Variants in CIP2A observed in about 807,000 individuals in gnomAD.
CIP2A encodes protein CIP2A.
A neutral mutation model predicts 110.9 loss-of-function variants in CIP2A; 103 were observed. The observed-to-expected ratio is 0.93, with a 90% confidence interval of 0.79 to 1.09. CIP2A has a LOEUF of 1.09. Ranked by LOEUF, CIP2A falls within the 50% of genes least tolerant of loss-of-function variation. The pLI is 0.00. For missense variants in CIP2A, 1,088 were observed against 1,038.4 expected (o/e 1.05, Z -0.66); for synonymous variants, 381 against 361.6 (o/e 1.05, Z -0.61).
intron 2 of CIP2A, 140 bp downstream of exon 2, chr3:108,584,925 C>A (rs1938995628): frequency 1.6e-6 from 1 of 638,544 alleles, no homozygotes; most frequent in South Asian, 3.3e-5. Context: ...TCCTCAGTGT[C>A]AAAAGATTCA....
intron 11 of CIP2A, among the ~76,000 whole-genome samples, chr3:108,566,130 A>ATT (rs1050626792): frequency 5.3e-5 from 8 of 151,856 alleles, no homozygotes; most frequent in African/African-American, 1.7e-4. Context: ...GCAGTGACTG[A>ATT]TTTCCTTGTA....
intron 16 of CIP2A, among the ~76,000 whole-genome samples, chr3:108,558,706 C>G (rs1053586939): frequency 6.6e-6 from 1 of 152,076 alleles, no homozygotes; most frequent in South Asian, 2.1e-4. Flanking sequence ...GATATTTTAA[C>G]TGAAATCTGA....
chr3:108,575,486 G>A (rs1476003299), intron 8 of CIP2A, among the ~76,000 whole-genome samples: 1 of 142,390 alleles, frequency 7.0e-6, no homozygotes, highest in African/African-American at 2.6e-5. Flanking sequence ...ACACATATAT[G>A]CACACATATG....
At chr3:108,570,868 T>A (rs989069862) in intron 8 of CIP2A, among the ~76,000 whole-genome samples, 1 of 152,198 alleles carries the variant, frequency 6.6e-6, no homozygotes, top group Non-Finnish European at 1.5e-5. Context: ...AACCTATCCA[T>A]TTTTAAAGTT....
intron 9 of CIP2A, 22 bp downstream of exon 9, chr3:108,569,367 A>G: frequency 6.5e-7 from 1 of 1,549,562 alleles, no homozygotes; most frequent in Non-Finnish European, 8.9e-7. Flanking sequence ...TAGAAAAGTC[A>G]ATCTGTCAGT....
chr3:108,557,373 T>A lies in CIP2A; in HGVS notation c.2055A>T (p.Lys685Asn). 6.2e-7 allele frequency: 1 copy of A among 1,608,606 alleles called. No individual in the cohort carries two copies. Among genetic ancestry groups the A allele is most frequent in the Non-Finnish European group, 8.5e-7 (1 of 1,176,580 alleles). Residue 685 changes from lysine to asparagine, a missense_variant, in exon 17 of 21, where the codon AAA (lysine) becomes AAT (asparagine). Coordinates refer to ENST00000295746, the MANE Select transcript of CIP2A (RefSeq NM_020890.3). ...TCAGCAACACACTAAGCTCTTCATT[T>A]TTTCTCTCAACTTCTCTCAACATAC... Reference protein sequence around the residue: ...LASMLREVERKNEELSVLLKA... With the variant: ...LASMLREVERNNEELSVLLKA...
intron 1 of CIP2A, among the ~76,000 whole-genome samples, chr3:108,588,214 T>C (rs894746704): frequency 2.6e-5 from 4 of 152,208 alleles, no homozygotes; most frequent in African/African-American, 9.6e-5. Context: ...CCTATGCTAA[T>C]TCAGAAGCAA....
At chr3:108,574,006 AT>A (rs1179821564) in intron 8 of CIP2A, among the ~76,000 whole-genome samples, 1 of 152,156 alleles carries the variant, frequency 6.6e-6, no homozygotes, top group East Asian at 1.9e-4. Flanking sequence ...TGACTTTGTA[AT>A]AGGCCAAGAG....
chr3:108,555,556 A>T (rs779184453), intron 17 of CIP2A, among the ~76,000 whole-genome samples: 19 of 152,158 alleles, frequency 1.2e-4, no homozygotes, highest in Non-Finnish European at 2.6e-4. Flanking sequence ...TCCATTGACA[A>T]GTAGAGCTCA....
Position 108,554,507 on chromosome 3 carries a change from TGAG to T in CIP2A, c.2211-21_2211-19del. 1 of 1,044,350 alleles carries T rather than the reference TGAG, an allele frequency of 9.6e-7. No homozygotes were observed. The highest frequency in any genetic ancestry group is 1.4e-6 in the Non-Finnish European group (1 of 691,342). 64.7% of individuals were successfully genotyped at this position (1,044,350 alleles called of 1,614,324 possible). A position where few individuals can be genotyped will look rare whatever the true frequency, so the allele number is the denominator to read the frequency against. On this transcript the variant is annotated intron_variant, in intron 17 of 20. Coordinates refer to ENST00000295746, the MANE Select transcript of CIP2A (RefSeq NM_020890.3). ...TTTCATTTCTGAAAAGACAAGAAAATGAGTTGGCATCATTATGGAGGAAAACAT... is the reference window on the plus strand; with the variant it reads ...TTTCATTTCTGAAAAGACAAGAAAATTTGGCATCATTATGGAGGAAAACAT...
chr3:108,589,352 C>T lies in CIP2A; in HGVS notation c.24G>A (p.Lys8=), dbSNP rs556972558. 9.3e-6 allele frequency: 15 copies of T among 1,613,800 alleles called. No individual in the cohort carries two copies. In the East Asian group the frequency reaches 2.9e-4, roughly 31 times the overall value. The change falls in exon 1 of 21, where the codon AAG becomes AAA. Residue 8 remains lysine, a synonymous_variant. Transcript: ENST00000295746. MDSTACL[K]SLLLTVSQYK... Reference sequence around the variant, plus strand: ...ACTGACTGACAGTCAGGAGCAAGGACTTCAAGCAGGCAGTGGAGTCCATTG... The same window carrying T: ...ACTGACTGACAGTCAGGAGCAAGGATTTCAAGCAGGCAGTGGAGTCCATTG...
intron 1 of CIP2A, among the ~76,000 whole-genome samples, chr3:108,585,503 T>C (rs1457696677): frequency 6.6e-6 from 1 of 152,192 alleles, no homozygotes; most frequent in African/African-American, 2.4e-5. Flanking sequence ...TGCTATCCTA[T>C]AGTACATTAT....
chr3:108,589,326 T>C lies in CIP2A; in HGVS notation c.50A>G (p.Tyr17Cys). Residue 17 changes from tyrosine to cysteine, a missense_variant, in exon 1 of 21, where the codon TAC (tyrosine) becomes TGC (cysteine). Physicochemically the swap from Tyr to Cys is radical, Grantham distance 194. Coordinates refer to ENST00000295746, the MANE Select transcript of CIP2A (RefSeq NM_020890.3). ...LKSLLLTVSQ[Y>C]KAVKSEANAT... Reference sequence around the variant, plus strand: ...GTTCGCCTCTGACTTCACGGCTTTGTACTGACTGACAGTCAGGAGCAAGGA... The same window carrying C: ...GTTCGCCTCTGACTTCACGGCTTTGCACTGACTGACAGTCAGGAGCAAGGA... 6.2e-7 allele frequency: 1 copy of C among 1,614,120 alleles called. No individual in the cohort carries two copies. Among genetic ancestry groups the C allele is most frequent in the Non-Finnish European group, 8.5e-7 (1 of 1,179,994 alleles).
rs918941840 is a variant in CIP2A at position 108,566,578 on chromosome 3, C to T, written c.1334G>A (p.Cys445Tyr). 5.6e-6 allele frequency: 9 copies of T among 1,605,200 alleles called. No individual in the cohort carries two copies. Among genetic ancestry groups the T allele is most frequent in the Admixed American group, 5.1e-5 (3 of 58,912 alleles). Residue 445 changes from cysteine to tyrosine, a missense_variant, in exon 11 of 21, where the codon TGT becomes TAT. Coordinates refer to ENST00000295746, the MANE Select transcript of CIP2A (RefSeq NM_020890.3). ...AAATTGTTGTTCTATAAGAGTGGTA[C>T]ACTTGACAGTTGTCAAGATTTTTGC... is the stretch of plus-strand genomic sequence containing the variant. ...HIAKILTTVK[C>Y]TTLIEQQFTY... is the part of the protein sequence containing the mutation.
Position 108,557,267 on chromosome 3 carries a change from CCA to C in CIP2A, c.2159_2160del (p.Val720GlyfsTer2). 1 of 1,607,636 alleles carries C rather than the reference CCA, an allele frequency of 6.2e-7. No homozygotes were observed. Among genetic ancestry groups the C allele is most frequent in the Non-Finnish European group, 8.5e-7 (1 of 1,175,924 alleles). ...TTTGTCAGTATTTCATGTTCTTCAGCCACAGACTCTAACTTCCTATTATGTTG... is the reference window on the plus strand; with the variant it reads ...TTTGTCAGTATTTCATGTTCTTCAGCCAGACTCTAACTTCCTATTATGTTG... ...LFQHNRKLES[V>X]AEEHEILTKS... On this transcript the variant is annotated frameshift_variant, in exon 17 of 21. Transcript: ENST00000295746. LOFTEE classifies it high-confidence loss of function.
Position 108,563,389 on chromosome 3 carries a change from T to C in CIP2A, c.1516-145A>G. 6.5e-6 allele frequency: 4 copies of C among 615,690 alleles called. No individual in the cohort carries two copies. The Admixed American group carries it at 8.2e-5, about 13-fold the overall frequency. The allele number at this position is 615,690 out of a possible 1,614,324, so 38.1% of individuals were successfully genotyped here. ...TAATGTTTGAATATATTATAGTCTA[T>C]ATAGTTTGAATATATTATACCTTGT... is the stretch of plus-strand genomic sequence containing the variant. On this transcript the variant is annotated intron_variant, in intron 12 of 20. Coordinates refer to ENST00000295746, the MANE Select transcript of CIP2A (RefSeq NM_020890.3).
At chr3:108,581,024 C>A (rs1164951153) in intron 5 of CIP2A, among the ~76,000 whole-genome samples, 1 of 152,208 alleles carries the variant, frequency 6.6e-6, no homozygotes, top group East Asian at 1.9e-4. Context: ...ACTCATGAAT[C>A]TTTCTGGTGG....
chr3:108,586,997 A>T (rs1380559254), intron 1 of CIP2A, among the ~76,000 whole-genome samples: 1 of 152,198 alleles, frequency 6.6e-6, no homozygotes, highest in Non-Finnish European at 1.5e-5. Flanking sequence ...AAAAATACAA[A>T]TACTGTCAAC....
chr3:108,569,044 T>C (rs1308588226), intron 9 of CIP2A, among the ~76,000 whole-genome samples: 1 of 150,904 alleles, frequency 6.6e-6, no homozygotes, highest in Admixed American at 6.7e-5. Flanking sequence ...GTCCATTCAA[T>C]GGCCTACTAA....
Sources: allele counts gnomAD v4.1 joint callset (sites outside exome capture counted in the v4.1 genomes callset), GRCh38; gene constraint gnomAD v4.1.1; transcripts MANE v1.5; gene names NCBI Gene and HGNC (gene_info 2026-07-23, HGNC 2026-07-21).